Variants in NFU1 observed in about 807,000 individuals in gnomAD.
NFU1 encodes the protein NFU1 iron-sulfur cluster scaffold homolog, mitochondrial.
A neutral mutation model predicts 32.2 loss-of-function variants in NFU1; 30 were observed. The ratio of observed to expected loss-of-function variants is 0.93; its 90% confidence interval spans 0.70 to 1.26. NFU1 has a LOEUF of 1.26. Ranked by LOEUF, NFU1 falls within the 50% of genes most tolerant of loss-of-function variation. The pLI is 0.00. For synonymous variants in NFU1, 112 were observed against 104.6 expected (o/e 1.07, Z -0.43); for missense variants, 306 against 306.6 (o/e 1.00, Z 0.02).
In NFU1 at chr2:69,415,220, G is replaced by A. The variant is rs1558826146; in HGVS notation, c.449C>T (p.Pro150Leu). Residue 150 changes from proline (P) to leucine (L), a missense_variant, in exon 5 of 8, where the codon CCC (proline) becomes CTC (leucine). By Grantham distance (98) the Pro-to-Leu change is moderately conservative. Coordinates refer to ENST00000410022, the MANE Select transcript of NFU1 (RefSeq NM_001002755.4). ...TIMDFFASGLPLVTEETPSGE... is the reference protein window; with the variant it reads ...TIMDFFASGLLLVTEETPSGE... ...TGAAGGTGTTTCCTCAGTAACCAGG[G>A]GTAAGCCAGATGCAAAGAAGTCCAT... The A allele has an allele frequency of 5.0e-6, 8 of 1,611,756 alleles. No homozygotes were observed. The highest frequency in any genetic ancestry group is 6.8e-6 in the Non-Finnish European group (8 of 1,177,974).
At chr2:69,409,263 A>G (rs1157080073) in intron 5 of NFU1, among the ~76,000 whole-genome samples, 2 of 152,198 alleles carry the variant, frequency 1.3e-5, no homozygotes, top group African/African-American at 2.4e-5. Flanking sequence ...TTCATAAATG[A>G]TACATTTATA....
chr2:69,438,403 G>C (rs1673930820), upstream of NFU1, among the ~76,000 whole-genome samples: 1 of 152,076 alleles, frequency 6.6e-6, no homozygotes, highest in South Asian at 2.1e-4. Context: ...ACAGGTGTGA[G>C]CCACGGTGCC....
intron 2 of NFU1, among the ~76,000 whole-genome samples, chr2:69,425,515 CG>C (rs1403227659): frequency 1.3e-5 from 2 of 151,608 alleles, no homozygotes; most frequent in African/African-American, 2.4e-5. Flanking sequence ...CCACCATGCC[CG>C]GCTAATTTTT....
chr2:69,437,573 C>A (rs771019494), upstream of NFU1: 2 of 949,454 alleles, frequency 2.1e-6, no homozygotes, highest in South Asian at 2.8e-5. Context: ...GCCTACGCGC[C>A]GAGGTTTGCA....
At chr2:69,400,067 T>C (rs533785178) in intron 7 of NFU1, among the ~76,000 whole-genome samples, 2 of 152,264 alleles carry the variant, frequency 1.3e-5, no homozygotes, top group African/African-American at 2.4e-5. Context: ...AGACGGGGTT[T>C]TCTCCATGTT....
Position 69,396,255 on chromosome 2 carries a change from G to C in NFU1, c.756C>G (p.Asn252Lys). 6.2e-7 allele frequency: 1 copy of C among 1,611,094 alleles called. No individual in the cohort carries two copies. Among genetic ancestry groups the C allele is most frequent in the Non-Finnish European group, 8.5e-7 (1 of 1,177,902 alleles). The change falls in exon 8 of 8, where the codon AAC becomes AAG. Residue 252 changes from asparagine to lysine, a missense_variant. Coordinates refer to ENST00000410022, the MANE Select transcript of NFU1 (RefSeq NM_001002755.4). ...MDDESDEKEANSP is the reference protein window; with the variant it reads ...MDDESDEKEAKSP ...GAAAATCCAGATTATTTTAAGGTGA[G>C]TTTGCTTCTTTTTCATCTGATTCAT... is the stretch of plus-strand genomic sequence containing the variant.
At chr2:69,421,562 CTT>C (rs763705011) in intron 3 of NFU1, among the ~76,000 whole-genome samples, 53 of 70,750 alleles carry the variant, frequency 7.5e-4, no homozygotes, top group African/African-American at 2.4e-3. Context: ...ATCATTTGTG[CTT>C]TTTTTTTTTT....
chr2:69,399,338 C>T, intron 7 of NFU1: 1 of 455,116 alleles, frequency 2.2e-6, no homozygotes, highest in Non-Finnish European at 4.4e-6. Flanking sequence ...AGAATCACTG[C>T]AGTGAGACTC....
chr2:69,423,206 T>G (rs1267260277), intron 3 of NFU1, among the ~76,000 whole-genome samples: 17 of 57,692 alleles, frequency 2.9e-4, no homozygotes, highest in African/African-American at 1.4e-3. Flanking sequence ...TGTGTGTGTG[T>G]GTGGGGGGGG....
At chr2:69,406,109 CAA>C (rs777149820) in intron 5 of NFU1, 27 bp from the exon 6 acceptor site, 29 of 1,408,298 alleles carry the variant, frequency 2.1e-5, no homozygotes, top group Middle Eastern at 1.8e-4. Context: ...ATAAAAACAT[CAA>C]GAGTAGAAAT....
chr2:69,424,292 GTTTTT>G (rs1393670657), intron 2 of NFU1, among the ~76,000 whole-genome samples: 1 of 132,264 alleles, frequency 7.6e-6, no homozygotes, highest in Non-Finnish European at 1.6e-5. Flanking sequence ...TTTTGTTTTT[GTTTTT>G]GTTTTTTTTG....
At chr2:69,396,888 C>G (rs958583788) in intron 7 of NFU1, among the ~76,000 whole-genome samples, 2 of 151,418 alleles carry the variant, frequency 1.3e-5, no homozygotes, top group Admixed American at 6.6e-5. Flanking sequence ...CTGGCTAACA[C>G]AGTGAAACCC....
chr2:69,426,339 G>A (rs1490748545), intron 2 of NFU1, among the ~76,000 whole-genome samples: 1 of 152,144 alleles, frequency 6.6e-6, no homozygotes. Context: ...AAGCTGGAGT[G>A]CAGTGGCATG....
chr2:69,423,365 CCACTT>C (rs1673330629), intron 3 of NFU1, among the ~76,000 whole-genome samples: 1 of 150,978 alleles, frequency 6.6e-6, no homozygotes, highest in Admixed American at 6.7e-5. Flanking sequence ...AGCAATCCTC[CCACTT>C]CAGCCTTCCA....
intron 7 of NFU1, 36 bp from the exon 8 acceptor site, chr2:69,396,326 G>C (rs1672329919): frequency 6.6e-7 from 1 of 1,505,270 alleles, no homozygotes; most frequent in Non-Finnish European, 9.2e-7. Context: ...TAAGAATTAA[G>C]AAAATGATTA....
chr2:69,433,168 A>G (rs1673705523), intron 1 of NFU1, among the ~76,000 whole-genome samples: 3 of 151,040 alleles, frequency 2.0e-5, no homozygotes, highest in African/African-American at 7.3e-5. Flanking sequence ...AAAAAAAAAA[A>G]AGTATACGAC....
chr2:69,402,878 C>T (rs997005325), intron 6 of NFU1, among the ~76,000 whole-genome samples: 3 of 151,798 alleles, frequency 2.0e-5, no homozygotes, highest in African/African-American at 4.8e-5. Flanking sequence ...CCACCGCGCC[C>T]GGTCTTTATC....
intron 5 of NFU1, among the ~76,000 whole-genome samples, chr2:69,414,512 G>T (rs1672988186): frequency 6.6e-6 from 1 of 151,282 alleles, no homozygotes; most frequent in South Asian, 2.1e-4. Context: ...CAGCTACTTG[G>T]GAGGCTGAGG....
At chr2:69,433,057 G>C (rs1260759071) in intron 1 of NFU1, among the ~76,000 whole-genome samples, 2 of 141,174 alleles carry the variant, frequency 1.4e-5, no homozygotes, top group African/African-American at 5.4e-5. Flanking sequence ...GGCTGAGGCA[G>C]AGGAATCGCT....
Sources: allele counts gnomAD v4.1 joint callset (sites outside exome capture counted in the v4.1 genomes callset), GRCh38; gene constraint gnomAD v4.1.1; transcripts MANE v1.5; gene names NCBI Gene and HGNC (gene_info 2026-07-23, HGNC 2026-07-21).